LAMA1: variants seen among roughly 807,000 people sequenced by gnomAD.
LAMA1 encodes laminin subunit alpha 1.
A neutral mutation model predicts 348.7 loss-of-function variants in LAMA1; 219 were observed. The observed-to-expected ratio is 0.63, with a 90% confidence interval of 0.56 to 0.70. The LOEUF (loss-of-function observed/expected upper bound fraction) is 0.70, where lower values mean the gene tolerates loss of function less well. Among genes scored for constraint, LAMA1 ranks in the 30% least tolerant of loss-of-function variants. The probability of loss-of-function intolerance (pLI) is 0.00; values close to 1 mark genes in which losing one functional copy is unlikely to be tolerated. For missense variants in LAMA1, 3,744 were observed against 3,888.0 expected (o/e 0.96, Z 0.99); for synonymous variants, 1,487 against 1,491.0 (o/e 1.00, Z 0.06).
chr18:7,005,982 C>A lies in LAMA1; in HGVS notation c.4260+1157G>T, dbSNP rs561275254. On this transcript the variant is annotated intron_variant, in intron 29 of 62. Coordinates refer to ENST00000389658, the MANE Select transcript of LAMA1 (RefSeq NM_005559.4). ...CTCCAGTGTTTCCTTGTGATTGGGC[C>A]ACACCCAGGATCTCCGAGGCTTCGG... Among the ~76,000 whole-genome samples the A allele has an allele frequency of 5.9e-5, 9 of 152,220 alleles. No individual in the cohort carries two copies. In the South Asian group the frequency reaches 1.9e-3, roughly 32 times the overall value.
At chr18:6,986,473 C>G in intron 36 of LAMA1, 126 bp from the exon 37 acceptor site, 1 of 800,886 alleles carries the variant, frequency 1.2e-6, no homozygotes, top group Non-Finnish European at 2.1e-6. Flanking sequence ...AGTGATACAT[C>G]ATAACTTCTT....
rs557006501 is a variant in LAMA1, at chr18:7,098,218, G to A, written c.62-17761C>T. Among the ~76,000 whole-genome samples, 6 of 152,190 alleles carry A rather than the reference G, an allele frequency of 3.9e-5. No individual in the cohort carries two copies. The South Asian group carries it at 8.3e-4, about 21-fold the overall frequency. On this transcript the variant is annotated intron_variant, in intron 1 of 62. Transcript: ENST00000389658. The stretch of plus-strand genomic sequence containing the variant: ...TCGCTACAACCTCCACCTCCCAGCC[G>A]CCTGCCTTGGCCTCCCAAAGTGCCG...
At chr18:7,111,354 A>T (rs1323164492) in intron 1 of LAMA1, among the ~76,000 whole-genome samples, 2 of 152,186 alleles carry the variant, frequency 1.3e-5, no homozygotes, top group Non-Finnish European at 2.9e-5. Context: ...CTGATTTGGA[A>T]TCTCTCTGCC....
intron 3 of LAMA1, among the ~76,000 whole-genome samples, chr18:7,070,736 A>C (rs1363445546): frequency 6.6e-6 from 1 of 152,186 alleles, no homozygotes; most frequent in African/African-American, 2.4e-5. Flanking sequence ...CTTTATTTTC[A>C]ATGCCATAGG....
intron 1 of LAMA1, among the ~76,000 whole-genome samples, chr18:7,084,074 GA>G (rs35419107): frequency 0.073 from 3,622 of 49,684 alleles, 45 homozygotes; most frequent in Non-Finnish European, 0.087. Context: ...TTCTGTCTCA[GA>G]AAAAAAAAAA....
rs138961424 is a variant in LAMA1, at chr18:6,983,105, C to G, written c.5790G>C (p.Thr1930=). The G allele has an allele frequency of 6.2e-7, 1 of 1,614,142 alleles. No individual in the cohort carries two copies. The highest frequency in any genetic ancestry group is 2.2e-5 in the East Asian group (1 of 44,856). ...ARDAHRTVTE[T]SLLSESLVSN... is the part of the protein sequence containing the mutation. The stretch of plus-strand genomic sequence containing the variant: ...AAGCCACGTCGTTTCCTACCAGGCT[C>G]GTCTCAGTCACAGTCCTGTGAGCAT... Residue 1930 remains threonine (T), a synonymous_variant, in exon 40 of 63, where the codon ACG becomes ACC. Transcript: ENST00000389658.
chr18:7,088,334 C>A (rs1275762024), intron 1 of LAMA1, among the ~76,000 whole-genome samples: 1 of 152,064 alleles, frequency 6.6e-6, no homozygotes, highest in Non-Finnish European at 1.5e-5. Context: ...AAGTTAACTG[C>A]ATGTTTGTAA....
intron 60 of LAMA1, among the ~76,000 whole-genome samples, chr18:6,947,507 G>A (rs1249746159): frequency 1.3e-5 from 2 of 152,124 alleles, no homozygotes; most frequent in Non-Finnish European, 2.9e-5. Flanking sequence ...CATGCAGTCA[G>A]CCAGGTCAGA....
intron 1 of LAMA1, among the ~76,000 whole-genome samples, chr18:7,092,871 T>C (rs565769494): frequency 1.1e-4 from 17 of 152,272 alleles, no homozygotes; most frequent in African/African-American, 4.1e-4. Flanking sequence ...CAGTCTCTTC[T>C]GCTGGCCATC....
At position 7,050,890 on chromosome 18, in the gene LAMA1, C is replaced by T; in HGVS notation, c.392G>A (p.Arg131Gln). ...ACGCTCCAAAATCCAGTTTCCAGGT[C>T]GAGGGGCATTGGCAGCTTTAATGAT... is the stretch of plus-strand genomic sequence containing the variant. ...YVIIKAANAP[R>Q]PGNWILERSL... Residue 131 changes from arginine to glutamine, a missense_variant, in exon 4 of 63, where the codon CGA (arginine) becomes CAA (glutamine). Coordinates refer to ENST00000389658, the MANE Select transcript of LAMA1 (RefSeq NM_005559.4). The T allele has an allele frequency of 2.5e-6, 4 of 1,614,058 alleles. No individual in the cohort carries two copies. The highest frequency in any genetic ancestry group is 3.4e-6 in the Non-Finnish European group (4 of 1,180,024).
chr18:6,965,857 A>G (rs1001185339), intron 49 of LAMA1: 56 of 434,108 alleles, frequency 1.3e-4, no homozygotes, highest in Non-Finnish European at 2.9e-5. Context: ...ATATTATTTG[A>G]GCTCGAAATT....
chr18:6,991,829 A>C (rs1390136456), intron 36 of LAMA1, among the ~76,000 whole-genome samples: 1 of 152,260 alleles, frequency 6.6e-6, no homozygotes, highest in Non-Finnish European at 1.5e-5. Flanking sequence ...CCCTCACAAC[A>C]TAATTTAAAA....
At chr18:7,069,076 G>A (rs554680159) in intron 3 of LAMA1, among the ~76,000 whole-genome samples, 4 of 152,190 alleles carry the variant, frequency 2.6e-5, no homozygotes, top group Non-Finnish European at 4.4e-5. Flanking sequence ...CTGCTGGGTA[G>A]AAACACTGAA....
intron 33 of LAMA1, among the ~76,000 whole-genome samples, chr18:6,996,820 TAAGTGCTA>T (rs1247144052): frequency 2.8e-4 from 42 of 151,904 alleles, no homozygotes; most frequent in African/African-American, 9.4e-4. Context: ...TAAAAATAAA[TAAGTGCTA>T]TAGTAGGATG....
At chr18:6,964,567 T>C (rs546179995) in intron 51 of LAMA1, 95 bp downstream of exon 51, 189 of 1,472,842 alleles carry the variant, frequency 1.3e-4, no homozygotes, top group Non-Finnish European at 9.1e-5. Context: ...TTAGTGTTGT[T>C]TAAGCCACCT....
At chr18:7,065,295 G>A (rs1156979919) in intron 3 of LAMA1, among the ~76,000 whole-genome samples, 3 of 150,716 alleles carry the variant, frequency 2.0e-5, no homozygotes, top group Admixed American at 1.3e-4. Flanking sequence ...ATTGTACAGA[G>A]GGGTGTGGGG....
intron 3 of LAMA1, among the ~76,000 whole-genome samples, chr18:7,074,967 CAAAAAAAAAAAAAAAAA>C (rs773818069): frequency 0.023 from 1,222 of 52,222 alleles, 24 homozygotes; most frequent in South Asian, 0.082. Context: ...TACATAGAGG[CAAAAAAAAAAAAAAAAA>C]AAAAAAAAAA....
At chr18:6,945,564 A>C (rs2057517965) in intron 61 of LAMA1, among the ~76,000 whole-genome samples, 1 of 152,174 alleles carries the variant, frequency 6.6e-6, no homozygotes, top group Non-Finnish European at 1.5e-5. Flanking sequence ...ACAAACATTG[A>C]CCACAGTGCT....
intron 29 of LAMA1, among the ~76,000 whole-genome samples, chr18:7,005,148 T>G (rs1393515269): frequency 6.6e-6 from 1 of 152,198 alleles, no homozygotes; most frequent in Admixed American, 6.5e-5. Flanking sequence ...TGAGGGTACG[T>G]GACTTGGAGG....
Sources: gnomAD v4.1 joint callset for allele counts (sites outside exome capture counted in the v4.1 genomes callset) on GRCh38, gnomAD v4.1.1 for gene constraint, MANE v1.5 for transcripts, NCBI Gene and HGNC (gene_info 2026-07-23, HGNC 2026-07-21) for gene names.